The following TRIM2 variants were observed in gnomAD, a reference collection of about 807,000 sequenced individuals.
TRIM2 encodes tripartite motif containing 2, also known as tripartite motif-containing protein 2.
TRIM2 carries 20 observed loss-of-function variants against 75.2 expected under a neutral mutation model. The observed-to-expected ratio is 0.27, with a 90% CI of 0.19 to 0.39. TRIM2 has a LOEUF of 0.39. TRIM2 is among the 10% of genes least tolerant of loss of function. The pLI is 1.00. For missense variants in TRIM2, 660 were observed against 990.8 expected (o/e 0.67, Z 4.48); for synonymous variants, 373 against 388.3 (o/e 0.96, Z 0.46).
chr4:153,251,788 G>C (rs1750928255), intron 1 of TRIM2, among the ~76,000 whole-genome samples: 1 of 151,974 alleles, frequency 6.6e-6, no homozygotes, highest in African/African-American at 2.4e-5. Flanking sequence ...AGACCAGCCT[G>C]GGCAGCATGG....
chr4:153,233,686 G>A (rs1453412105), intron 1 of TRIM2, among the ~76,000 whole-genome samples: 1 of 152,070 alleles, frequency 6.6e-6, no homozygotes, highest in Non-Finnish European at 1.5e-5. Flanking sequence ...GGAGGCAGGT[G>A]GGCCACTGAG....
intron 1 of TRIM2, among the ~76,000 whole-genome samples, chr4:153,167,183 G>A (rs1473269464): frequency 6.6e-6 from 1 of 152,214 alleles, no homozygotes; most frequent in African/African-American, 2.4e-5. Context: ...GGGAGGTAAA[G>A]AACACATTTG....
chr4:153,221,068 A>T (rs1249286335), intron 1 of TRIM2, among the ~76,000 whole-genome samples: 1 of 152,264 alleles, frequency 6.6e-6, no homozygotes, highest in Non-Finnish European at 1.5e-5. Context: ...TATTTATACT[A>T]GCCACCAGTG....
At chr4:153,237,657 G>T (rs970414096) in intron 1 of TRIM2, among the ~76,000 whole-genome samples, 2 of 151,884 alleles carry the variant, frequency 1.3e-5, no homozygotes, top group Non-Finnish European at 2.9e-5. Context: ...TTCAGCCCAG[G>T]CGACAGTGCG....
intron 1 of TRIM2, among the ~76,000 whole-genome samples, chr4:153,240,075 C>T (rs373977740): frequency 1.3e-5 from 2 of 152,150 alleles, no homozygotes; most frequent in South Asian, 4.2e-4. Context: ...CTCAAACAAT[C>T]CACCCGTCTC....
Position 153,301,448 on chromosome 4 carries a change from T to G in TRIM2, c.1510+5412T>G, listed in dbSNP as rs138346325. 6.8e-3 allele frequency among the ~76,000 whole-genome samples: 1,029 copies of G among 152,340 alleles called. 12 individuals are homozygous for G. Among genetic ancestry groups the G allele is most frequent in the African/African-American group, 0.023 (970 of 41,560 alleles). ...GTAATATTCTCCCATTCTGTAGGTT[T>G]TCTCTTCACTCTGGTGATCCTTTGC... On this transcript the variant is annotated intron_variant, in intron 6 of 11. Transcript: ENST00000338700.
At chr4:153,182,933 C>A (rs933841073) in intron 1 of TRIM2, among the ~76,000 whole-genome samples, 1 of 152,208 alleles carries the variant, frequency 6.6e-6, no homozygotes, top group African/African-American at 2.4e-5. Flanking sequence ...GAGCCACTGT[C>A]CCAGGCCGTG....
Position 153,328,554 on chromosome 4 carries a change from A to T in TRIM2, c.2047A>T (p.Met683Leu). The T allele has an allele frequency of 6.2e-7, 1 of 1,613,008 alleles. No homozygotes were observed. Reference protein sequence around the residue: ...VKVFNQEGEFMLKFGSNGEGN... With the variant: ...VKVFNQEGEFLLKFGSNGEGN... ...GGTGTTTAATCAGGAAGGAGAATTC[A>T]TGTTGAAGTTTGGCTCAAATGGAGA... is the stretch of plus-strand genomic sequence containing the variant. Residue 683 changes from methionine to leucine, a missense_variant, in exon 11 of 12, where the codon ATG becomes TTG. Met to Leu is a conservative substitution (Grantham distance 15). This residue lies in a region of TRIM2 where 620 missense variants were observed against 891.0 expected (regional missense o/e 0.70). Transcript: ENST00000338700.
intron 1 of TRIM2, among the ~76,000 whole-genome samples, chr4:153,253,441 C>G (rs1751335078): frequency 6.6e-6 from 1 of 152,144 alleles, no homozygotes; most frequent in Non-Finnish European, 1.5e-5. Flanking sequence ...CAAATGCACA[C>G]CCTACTACCC....
chr4:153,320,907 C>T (rs541021515), intron 8 of TRIM2, among the ~76,000 whole-genome samples: 97 of 152,320 alleles, frequency 6.4e-4, no homozygotes, highest in African/African-American at 2.3e-3. Context: ...GCTGGGATTA[C>T]AGGTGTGAGC....
In TRIM2 at chr4:153,298,950, G is replaced by C. The variant is rs1763303557; in HGVS notation, c.1510+2914G>C. On this transcript the variant is annotated intron_variant, in intron 6 of 11. Transcript: ENST00000338700. ...GGTTGGGTCTCGCCATGTTGCCCAG[G>C]CTAGTCTCAAACTCCTGGACTCAAA... 2.0e-5 allele frequency among the ~76,000 whole-genome samples: 3 copies of C among 151,840 alleles called. No homozygotes were observed. The South Asian group carries it at 6.2e-4, about 32-fold the overall frequency.
intron 1 of TRIM2, among the ~76,000 whole-genome samples, chr4:153,223,454 C>A (rs1302249870): frequency 3.9e-5 from 6 of 152,216 alleles, no homozygotes; most frequent in Non-Finnish European, 8.8e-5. Context: ...AAACTACTTT[C>A]CTTCCTTTAG....
intron 11 of TRIM2, among the ~76,000 whole-genome samples, chr4:153,331,344 T>A (rs920265420): frequency 1.3e-5 from 2 of 152,060 alleles, no homozygotes; most frequent in Middle Eastern, 6.8e-3. Flanking sequence ...CAAAAAAAAA[T>A]TATATTTTTA....
intron 1 of TRIM2, among the ~76,000 whole-genome samples, chr4:153,212,588 G>A (rs950763230): frequency 1.3e-5 from 2 of 152,256 alleles, no homozygotes; most frequent in Middle Eastern, 3.4e-3. Flanking sequence ...GAGCCTGAGA[G>A]TTCGAGGCAG....
chr4:153,331,952 AAAAG>A (rs1771572849), intron 11 of TRIM2, among the ~76,000 whole-genome samples: 1 of 152,252 alleles, frequency 6.6e-6, no homozygotes, highest in South Asian at 2.1e-4. Flanking sequence ...ACAGAGGAAA[AAAAG>A]AATGAACATT....
chr4:153,232,109 A>C (rs1053727081), intron 1 of TRIM2, among the ~76,000 whole-genome samples: 1 of 152,228 alleles, frequency 6.6e-6, no homozygotes, highest in East Asian at 1.9e-4. Flanking sequence ...GATAAAAGAT[A>C]CTCAACTTGT....
At chr4:153,282,099 C>G (rs1759479414) in intron 3 of TRIM2, among the ~76,000 whole-genome samples, 1 of 152,206 alleles carries the variant, frequency 6.6e-6, no homozygotes, top group South Asian at 2.1e-4. Context: ...TAAATGGTGA[C>G]TATCCATCAA....
chr4:153,238,386 T>C (rs1315084169), intron 1 of TRIM2, among the ~76,000 whole-genome samples: 1 of 152,146 alleles, frequency 6.6e-6, no homozygotes, highest in African/African-American at 2.4e-5. Context: ...GTAAAGGTAA[T>C]GAATTAGCGG....
chr4:153,314,357 T>C (rs1300655795), intron 6 of TRIM2, among the ~76,000 whole-genome samples: 1 of 137,184 alleles, frequency 7.3e-6, no homozygotes, highest in Non-Finnish European at 1.5e-5. Context: ...GAGGTGGAGC[T>C]TGCAGTGAGC....
Sources: gnomAD v4.1 joint callset for allele counts (sites outside exome capture counted in the v4.1 genomes callset) on GRCh38, gnomAD v4.1.1 for gene constraint, gnomAD v4.1.1 regional missense constraint, MANE v1.5 for transcripts, NCBI Gene and HGNC (gene_info 2026-07-23, HGNC 2026-07-21) for gene names.